Variants in TMOD1 observed in about 807,000 individuals in gnomAD.
TMOD1 encodes tropomodulin 1, also known as tropomodulin-1.
In TMOD1, 17 loss-of-function variants were observed where a neutral mutation model predicts 40.6. The observed-to-expected ratio is 0.42, with a 90% CI of 0.29 to 0.63. The LOEUF (loss-of-function observed/expected upper bound fraction) is 0.63, where lower values mean the gene tolerates loss of function less well. Ranked by LOEUF, TMOD1 falls within the 20% of genes least tolerant of loss-of-function variation. The pLI is 0.22. For synonymous variants in TMOD1, 181 were observed against 175.0 expected (o/e 1.03, Z -0.27); for missense variants, 391 against 447.6 (o/e 0.87, Z 1.14).
chr9:97,542,832 A>G (rs1235498434), intron 2 of TMOD1, among the ~76,000 whole-genome samples: 2 of 147,804 alleles, frequency 1.4e-5, no homozygotes, highest in African/African-American at 5.1e-5. Context: ...CCTGGGCAAC[A>G]AAGTGAGACT....
intron 2 of TMOD1, among the ~76,000 whole-genome samples, chr9:97,525,056 C>T (rs1363213803): frequency 6.6e-6 from 1 of 151,928 alleles, no homozygotes; most frequent in Non-Finnish European, 1.5e-5. Context: ...ACATATACAT[C>T]TCTTTAAACC....
chr9:97,594,603 T>C (rs1325493173), intron 9 of TMOD1, among the ~76,000 whole-genome samples: 1 of 152,136 alleles, frequency 6.6e-6, no homozygotes, highest in Non-Finnish European at 1.5e-5. Context: ...GGCTCCTCCT[T>C]GGGGGACATT....
intron 2 of TMOD1, among the ~76,000 whole-genome samples, chr9:97,536,744 A>G (rs998285471): frequency 3.9e-5 from 6 of 152,068 alleles, no homozygotes; most frequent in Admixed American, 3.9e-4. Context: ...GCTTCTTCCA[A>G]TCCCTGATAA....
intron 8 of TMOD1, among the ~76,000 whole-genome samples, chr9:97,590,361 C>A (rs1007534166): frequency 1.3e-5 from 2 of 151,900 alleles, no homozygotes; most frequent in Non-Finnish European, 2.9e-5. Context: ...GTAGCTGGGA[C>A]TACAGGTGCC....
chr9:97,571,311 A>AAGATG (rs1830814175), intron 8 of TMOD1, among the ~76,000 whole-genome samples: 2 of 152,228 alleles, frequency 1.3e-5, no homozygotes, highest in Non-Finnish European at 1.5e-5. Context: ...CCCAGAGTCC[A>AAGATG]AGATGGAGCC....
chr9:97,590,138 T>G (rs1825971568), intron 8 of TMOD1, among the ~76,000 whole-genome samples: 1 of 152,142 alleles, frequency 6.6e-6, no homozygotes, highest in African/African-American at 2.4e-5. Flanking sequence ...CACCATCATT[T>G]TAGAGCTGCC....
At chr9:97,504,569 TCA>T (rs1288330698) in intron 1 of TMOD1, among the ~76,000 whole-genome samples, 4 of 152,090 alleles carry the variant, frequency 2.6e-5, no homozygotes, top group Non-Finnish European at 5.9e-5. Flanking sequence ...TTGCAGAATG[TCA>T]CAGACTCTGC....
intron 9 of TMOD1, among the ~76,000 whole-genome samples, chr9:97,596,845 G>A (rs1826123005): frequency 6.6e-6 from 1 of 152,220 alleles, no homozygotes; most frequent in South Asian, 2.1e-4. Flanking sequence ...GTTGCCACCT[G>A]GGAAGGTCTG....
At chr9:97,596,323 A>G (rs147607493) in intron 9 of TMOD1, among the ~76,000 whole-genome samples, 2 of 151,848 alleles carry the variant, frequency 1.3e-5, no homozygotes, top group East Asian at 3.9e-4. Context: ...TTGCCTTGTC[A>G]CCCCTCCACT....
chr9:97,540,738 T>C (rs969349294), intron 2 of TMOD1, among the ~76,000 whole-genome samples: 1 of 152,214 alleles, frequency 6.6e-6, no homozygotes, highest in Non-Finnish European at 1.5e-5. Flanking sequence ...TAATATTCAA[T>C]TGTATGGGTA....
At chr9:97,595,977 G>C (rs1587967625) in intron 9 of TMOD1, among the ~76,000 whole-genome samples, 1 of 152,158 alleles carries the variant, frequency 6.6e-6, no homozygotes, top group East Asian at 1.9e-4. Flanking sequence ...GGGAGGCTGA[G>C]GCAGGAGGAT....
chr9:97,564,976 C>T (rs1286288983), intron 6 of TMOD1, among the ~76,000 whole-genome samples: 1 of 152,184 alleles, frequency 6.6e-6, no homozygotes, highest in African/African-American at 2.4e-5. Flanking sequence ...GAAACCTGCA[C>T]CCTAGTGTTC....
rs2805805 is a variant in TMOD1 at position 97,574,078 on chromosome 9, C to G, written c.870+5041C>G. Among the ~76,000 whole-genome samples the G allele has an allele frequency of 7.2e-5, 11 of 152,220 alleles. No homozygotes were observed. In the East Asian group the frequency reaches 2.1e-3, roughly 29 times the overall value. On this transcript the variant is annotated intron_variant, in intron 8 of 9. Coordinates refer to ENST00000259365, the MANE Select transcript of TMOD1 (RefSeq NM_003275.4). Reference sequence around the variant, plus strand: ...GCTGGCAGCCCTCACAGCCCTCCCTCGCTCTCGGCGCCTCCTCAGCCTTGG... The same window carrying G: ...GCTGGCAGCCCTCACAGCCCTCCCTGGCTCTCGGCGCCTCCTCAGCCTTGG...
chr9:97,503,898 A>G lies in TMOD1; in HGVS notation c.-49+2095A>G, dbSNP rs1445605830. Among the ~76,000 whole-genome samples, 4 of 152,172 alleles carry G rather than the reference A, an allele frequency of 2.6e-5. No homozygotes were observed. In the East Asian group the frequency reaches 7.7e-4, roughly 29 times the overall value. ...GAGAGGGCTTAGAGTCTTCCTTGGA[A>G]GCCTTTCTAGCATGACCCATCCTGT... On this transcript the variant is annotated intron_variant, in intron 1 of 9. Coordinates refer to ENST00000259365, the MANE Select transcript of TMOD1 (RefSeq NM_003275.4).
In TMOD1 at chr9:97,522,646, C is replaced by T. The variant is rs193292375; in HGVS notation, c.-48-1495C>T. Among the ~76,000 whole-genome samples the T allele has an allele frequency of 3.7e-4, 57 of 152,214 alleles. No individual in the cohort carries two copies. In the East Asian group the frequency reaches 9.8e-3, roughly 26 times the overall value. Reference sequence around the variant, plus strand: ...GCGGGAACATGGCTCACTGCAGCCTCGACCTCCTGGGCTAAAGCGATCCTC... The same window carrying T: ...GCGGGAACATGGCTCACTGCAGCCTTGACCTCCTGGGCTAAAGCGATCCTC... On this transcript the variant is annotated intron_variant, in intron 1 of 9. Transcript: ENST00000259365.
chr9:97,559,726 T>A (rs1457595421), intron 4 of TMOD1, among the ~76,000 whole-genome samples: 2 of 141,390 alleles, frequency 1.4e-5, no homozygotes, highest in African/African-American at 5.4e-5. Context: ...GATCATGCCA[T>A]TGCACTCCAG....
chr9:97,539,130 T>C (rs1038835320), intron 2 of TMOD1, among the ~76,000 whole-genome samples: 3 of 152,246 alleles, frequency 2.0e-5, no homozygotes, highest in Admixed American at 1.3e-4. Flanking sequence ...CCAATTTTTT[T>C]AATTTCTCTT....
At chr9:97,595,391 C>CTGTAATGACA (rs1826089050) in intron 9 of TMOD1, among the ~76,000 whole-genome samples, 1 of 152,160 alleles carries the variant, frequency 6.6e-6, no homozygotes, top group South Asian at 2.1e-4. Flanking sequence ...CCCACAGCTT[C>CTGTAATGACA]TGTAATGACA....
intron 2 of TMOD1, among the ~76,000 whole-genome samples, chr9:97,542,324 A>G (rs1830286451): frequency 6.6e-6 from 1 of 152,218 alleles, no homozygotes; most frequent in African/African-American, 2.4e-5. Flanking sequence ...GATATTCTCA[A>G]TATTTACTTT....
Sources: gnomAD v4.1 joint callset for allele counts (sites outside exome capture counted in the v4.1 genomes callset) on GRCh38, gnomAD v4.1.1 for gene constraint, MANE v1.5 for transcripts, NCBI Gene and HGNC (gene_info 2026-07-23, HGNC 2026-07-21) for gene names.